The following RBFOX1 variants were observed in gnomAD, a reference collection of about 807,000 sequenced individuals.
The protein encoded by RBFOX1 is RNA binding protein fox-1 homolog 1.
RBFOX1 carries 8 observed loss-of-function variants against 57.7 expected under a neutral mutation model. The ratio of observed to expected loss-of-function variants is 0.14; its 90% CI spans 0.08 to 0.25. The LOEUF (loss-of-function observed/expected upper bound fraction) is 0.25, where lower values mean the gene tolerates loss of function less well. Among genes scored for constraint, RBFOX1 ranks in the 10% least tolerant of loss-of-function variants. The probability of loss-of-function intolerance (pLI) is 1.00; values close to 1 mark genes in which losing one functional copy is unlikely to be tolerated. For missense variants in RBFOX1, 611 were observed against 548.5 expected, an observed-to-expected ratio of 1.11 and a Z score of -1.14; for synonymous variants, 326 against 222.4, an observed-to-expected ratio of 1.47 and a Z score of -4.15.
intron 1 of RBFOX1, among the ~76,000 whole-genome samples, chr16:6,072,080 C>T (rs1017140231): frequency 2.6e-5 from 4 of 152,152 alleles, no homozygotes; most frequent in African/African-American, 4.8e-5. Flanking sequence ...GCTGGGGAGA[C>T]CTCACAATCA....
At chr16:5,876,336 G>A (rs967076476) in intron 4 of RBFOX1, among the ~76,000 whole-genome samples, 1 of 151,960 alleles carries the variant, frequency 6.6e-6, no homozygotes, top group Non-Finnish European at 1.5e-5. Context: ...CATTTTTTCT[G>A]TTTTACAGAT....
intron 4 of RBFOX1, among the ~76,000 whole-genome samples, chr16:7,112,679 G>GTGTGCGTGTGT (rs369771164): frequency 7.0e-6 from 1 of 141,898 alleles, no homozygotes; most frequent in Admixed American, 7.1e-5. Context: ...TGTGTGTGTG[G>GTGTGCGTGTGT]GTGTGGGTGT....
chr16:6,514,873 T>A (rs931805299), intron 2 of RBFOX1, among the ~76,000 whole-genome samples: 1 of 151,834 alleles, frequency 6.6e-6, no homozygotes, highest in Non-Finnish European at 1.5e-5. Context: ...ATAATTATTT[T>A]AATAAGGAGG....
chr16:5,890,948 G>C (rs74004680), intron 4 of RBFOX1, among the ~76,000 whole-genome samples: 1,539 of 152,204 alleles, frequency 0.01, 30 homozygotes, highest in African/African-American at 0.036. Context: ...TGCTTCATCC[G>C]CCTGGATCTG....
chr16:5,708,802 A>G (rs573693262), intron 3 of RBFOX1, among the ~76,000 whole-genome samples: 26 of 152,320 alleles, frequency 1.7e-4, no homozygotes, highest in African/African-American at 6.0e-4. Flanking sequence ...AGTAGCTGTG[A>G]GATGAGGGGC....
chr16:5,384,566 A>G (rs578198137), intron 1 of RBFOX1, among the ~76,000 whole-genome samples: 1 of 152,314 alleles, frequency 6.6e-6, no homozygotes, highest in South Asian at 2.1e-4. Flanking sequence ...AAGAGCCTAG[A>G]AACAGAAGAA....
rs554725251 is a variant in RBFOX1 at position 6,976,371 on chromosome 16, T to C, written c.-15-75686T>C. 6.6e-5 allele frequency among the ~76,000 whole-genome samples: 10 copies of C among 152,280 alleles called. No individual in the cohort carries two copies. The South Asian group carries it at 2.1e-3, about 32-fold the overall frequency. On this transcript the variant is annotated intron_variant, in intron 3 of 15. Transcript: ENST00000550418. ...TCTAGCATTCAGTCCTATCCATGAATACATGAAGCAAATATCATTTTCAGA... is the reference window on the plus strand; with the variant it reads ...TCTAGCATTCAGTCCTATCCATGAACACATGAAGCAAATATCATTTTCAGA...
At chr16:5,765,498 A>T (rs1260815005) in intron 3 of RBFOX1, among the ~76,000 whole-genome samples, 5 of 152,226 alleles carry the variant, frequency 3.3e-5, no homozygotes, top group Non-Finnish European at 7.3e-5. Flanking sequence ...GCGTAAAGAC[A>T]TTTTATGAGG....
chr16:6,165,371 C>T (rs1420246631), intron 1 of RBFOX1, among the ~76,000 whole-genome samples: 8 of 152,140 alleles, frequency 5.3e-5, no homozygotes, highest in Admixed American at 6.6e-5. Flanking sequence ...AACAATCGTG[C>T]AGTCCTGTTA....
intron 4 of RBFOX1, among the ~76,000 whole-genome samples, chr16:7,068,042 C>G (rs1437587337): frequency 6.7e-6 from 1 of 149,208 alleles, no homozygotes; most frequent in East Asian, 2.0e-4. Flanking sequence ...GTTTGACTCT[C>G]TCGTGCCTCT....
At chr16:6,279,910 C>G (rs2076203973) in intron 1 of RBFOX1, among the ~76,000 whole-genome samples, 1 of 150,758 alleles carries the variant, frequency 6.6e-6, no homozygotes, top group African/African-American at 2.4e-5. Flanking sequence ...TTTTAATGAT[C>G]TGGAAGGGAA....
intron 4 of RBFOX1, among the ~76,000 whole-genome samples, chr16:7,170,337 G>C (rs1478724): frequency 6.6e-6 from 1 of 151,992 alleles, no homozygotes; most frequent in Admixed American, 6.5e-5. Flanking sequence ...CAGTGGAGCA[G>C]TCACAGCTCA....
intron 4 of RBFOX1, among the ~76,000 whole-genome samples, chr16:7,391,366 A>G (rs893696527): frequency 6.6e-6 from 1 of 152,192 alleles, no homozygotes; most frequent in Non-Finnish European, 1.5e-5. Context: ...CAAGATCTCC[A>G]AGGATACCAA....
intron 3 of RBFOX1, among the ~76,000 whole-genome samples, chr16:5,848,698 G>A (rs2056815690): frequency 6.6e-6 from 1 of 152,154 alleles, no homozygotes; most frequent in Non-Finnish European, 1.5e-5. Flanking sequence ...TGTAAACCCA[G>A]CACTTTGGGA....
chr16:7,389,177 A>G (rs78780525), intron 4 of RBFOX1, among the ~76,000 whole-genome samples: 12,371 of 152,088 alleles, frequency 0.081, 542 homozygotes, highest in East Asian at 0.2. Context: ...CCAGGCTGGA[A>G]TGCAGTGGTG....
At chr16:6,075,077 G>T (rs1181949179) in intron 1 of RBFOX1, among the ~76,000 whole-genome samples, 1 of 152,152 alleles carries the variant, frequency 6.6e-6, no homozygotes, top group Non-Finnish European at 1.5e-5. Flanking sequence ...GAAGCTGGAT[G>T]GTCAATAATA....
chr16:6,508,295 CTG>C (rs1438016857), intron 2 of RBFOX1, among the ~76,000 whole-genome samples: 1 of 152,124 alleles, frequency 6.6e-6, no homozygotes, highest in East Asian at 1.9e-4. Context: ...ATGGAATAAT[CTG>C]TACAACAAAA....
intron 3 of RBFOX1, among the ~76,000 whole-genome samples, chr16:5,796,908 A>G (rs1167143936): frequency 1.3e-5 from 2 of 152,180 alleles, no homozygotes; most frequent in Non-Finnish European, 2.9e-5. Flanking sequence ...TCATGTGACA[A>G]TATTTATTGA....
chr16:6,229,258 A>G (rs142946059), intron 1 of RBFOX1, among the ~76,000 whole-genome samples: 1 of 152,298 alleles, frequency 6.6e-6, no homozygotes, highest in African/African-American at 2.4e-5. Flanking sequence ...CTCAAAAGCA[A>G]ACCTCTTTCT....
Sources: gnomAD v4.1 joint callset for allele counts (sites outside exome capture counted in the v4.1 genomes callset) on GRCh38, gnomAD v4.1.1 for gene constraint, MANE v1.5 for transcripts, NCBI Gene and HGNC (gene_info 2026-07-23, HGNC 2026-07-21) for gene names.